The following MUC5AC variants were observed in gnomAD, a reference collection of about 807,000 sequenced individuals.
The protein encoded by MUC5AC is mucin-5AC.
A neutral mutation model predicts 169.7 loss-of-function variants in MUC5AC; 158 were observed. That is an observed-to-expected ratio of 0.93 (90% CI 0.82 to 1.06). The LOEUF (loss-of-function observed/expected upper bound fraction) is 1.06. Among genes scored for constraint, MUC5AC ranks in the 50% least tolerant of loss-of-function variants. MUC5AC has a pLI of 0.00. For missense variants in MUC5AC, 4,359 were observed against 3,089.9 expected (o/e 1.41, Z -9.74); for synonymous variants, 1,975 against 1,237.0 (o/e 1.60, Z -12.52).
In MUC5AC at chr11:1,190,991, A is replaced by G; in HGVS notation, c.12846A>G (p.Thr4282=). Residue 4282 remains threonine, a synonymous_variant, in exon 31 of 49, where the codon ACA becomes ACG. Transcript: ENST00000621226. The part of the protein sequence containing the change: ...STTSAPTTRT[T]SAPTSSMTSG... ...CCTCTGCTCCTACAACCAGAACAAC[A>G]TCTGCTCCTACAAGCAGCATGACCT... is the stretch of plus-strand genomic sequence containing the variant. 1 of 621,902 alleles carries G rather than the reference A, an allele frequency of 1.6e-6. No homozygotes were observed. Among genetic ancestry groups the G allele is most frequent in the Non-Finnish European group, 2.8e-6 (1 of 351,970 alleles). The allele number at this position is 621,902 out of a possible 1,614,324, so 38.5% of individuals were successfully genotyped here.
At position 1,190,817 on chromosome 11, in the gene MUC5AC, T is replaced by G; in HGVS notation, c.12672T>G (p.Thr4224=). 1 of 720,680 alleles carries G rather than the reference T, an allele frequency of 1.4e-6. No individual in the cohort carries two copies. The highest frequency in any genetic ancestry group is 2.5e-6 in the Non-Finnish European group (1 of 398,740). The allele number at this position is 720,680 out of a possible 1,614,324, so 44.6% of individuals were successfully genotyped here. Residue 4224 remains threonine, a synonymous_variant, in exon 31 of 49, where the codon ACT becomes ACG. Transcript: ENST00000621226. ...TSSTTSGSGT[T]PSPVPTTSTT... The stretch of plus-strand genomic sequence containing the variant: ...GCACAACCTCCGGTTCTGGAACTAC[T>G]CCAAGCCCTGTTCCCACCACCAGCA...
rs188152234 is a variant in MUC5AC at position 1,194,255 on chromosome 11, C to T, written c.14901C>T (p.Cys4967=). The part of the protein sequence containing the change: ...HFRVLVDNYF[C]GAEDGLSCPR... ...GCGTGCTCGTCGACAACTACTTCTGCGGTGCGGAGGACGGGCTCTCCTGCC... is the reference window on the plus strand; with the variant it reads ...GCGTGCTCGTCGACAACTACTTCTGTGGTGCGGAGGACGGGCTCTCCTGCC... Residue 4967 remains cysteine (C), a synonymous_variant, in exon 34 of 49, where the codon TGC becomes TGT. Coordinates refer to ENST00000621226, the MANE Select transcript of MUC5AC (RefSeq NM_001304359.2). 9 of 764,556 alleles carry T rather than the reference C, an allele frequency of 1.2e-5. No individual in the cohort carries two copies. The highest frequency in any genetic ancestry group is 9.7e-5 in the East Asian group (4 of 41,228). The allele number at this position is 764,556 out of a possible 1,614,324, so 47.4% of individuals were successfully genotyped here.
Position 1,199,411 on chromosome 11 carries a change from C to A in MUC5AC, c.16436C>A (p.Thr5479Asn), listed in dbSNP as rs373265017. Residue 5479 changes from threonine to asparagine, a missense_variant, in exon 46 of 49, where the codon ACC becomes AAC. Physicochemically the swap from Thr to Asn is moderately conservative, Grantham distance 65 (BLOSUM62 0). Coordinates refer to ENST00000621226, the MANE Select transcript of MUC5AC (RefSeq NM_001304359.2). ...TWSDAGNHCV[T>N]HQCEKHQDGL... ...TCAGACGCAGGGAACCACTGTGTGA[C>A]CCACCAGTGTGAGAAGCACCAGGAT... 18 of 729,900 alleles carry A rather than the reference C, an allele frequency of 2.5e-5. No individual in the cohort carries two copies. The African/African-American group carries it at 3.1e-4, about 13-fold the overall frequency. The allele number at this position is 729,900 out of a possible 1,614,324, so 45.2% of individuals were successfully genotyped here. A position where few individuals can be genotyped will look rare whatever the true frequency, so the allele number is the denominator to read the frequency against.
intron 9 of MUC5AC, 42 bp from the exon 10 acceptor site, chr11:1,165,260 G>T (rs538142915): frequency 6.4e-7 from 1 of 1,565,584 alleles, no homozygotes. Context: ...CCACTGCGTG[G>T]ACACAGCAGG....
rs574368713 is a variant in MUC5AC at position 1,200,532 on chromosome 11, G to A, written c.16795G>A (p.Gly5599Ser). ...LRNVTLHCTD[G>S]SSRAFSYTEV... is the part of the protein sequence containing the mutation. ...GAATGTGACCCTGCACTGCACCGAC[G>A]GCTCCAGCCGGGCCTTCAGCTACAC... Residue 5599 changes from glycine to serine, a missense_variant, in exon 49 of 49, where the codon GGC becomes AGC. Coordinates refer to ENST00000621226, the MANE Select transcript of MUC5AC (RefSeq NM_001304359.2). The A allele has an allele frequency of 1.0e-4, 80 of 762,952 alleles. No individual in the cohort carries two copies. The highest frequency in any genetic ancestry group is 3.9e-4 in the Admixed American group (23 of 58,626). 47.3% of individuals were successfully genotyped at this position (762,952 alleles called of 1,614,324 possible). A position where few individuals can be genotyped will look rare whatever the true frequency, so the allele number is the denominator to read the frequency against.
Position 1,182,255 on chromosome 11 carries a change from G to A in MUC5AC, c.4110G>A (p.Thr1370=), listed in dbSNP as rs1341826591. 1.0e-5 allele frequency: 4 copies of A among 398,490 alleles called. No homozygotes were observed. The highest frequency in any genetic ancestry group is 8.8e-5 in the Admixed American group (2 of 22,724). 24.7% of individuals were successfully genotyped at this position (398,490 alleles called of 1,614,324 possible). ...WPTTAGTSPR[T]RLPTASASLP... ...CCACAGCAGGCACTTCTCCCAGGAC[G>A]AGGCTGCCCACAGCCTCTGCCTCAC... The change falls in exon 31 of 49, where the codon ACG becomes ACA. Residue 1370 remains threonine, a synonymous_variant. Coordinates refer to ENST00000621226, the MANE Select transcript of MUC5AC (RefSeq NM_001304359.2).
rs774898575 is a variant in MUC5AC, at chr11:1,165,373, G to A, written c.1201G>A (p.Ala401Thr). The A allele has an allele frequency of 6.2e-7, 1 of 1,612,430 alleles. No individual in the cohort carries two copies. The highest frequency in any genetic ancestry group is 8.5e-7 in the Non-Finnish European group (1 of 1,179,716). The change falls in exon 10 of 49, where the codon GCT becomes ACT. Residue 401 changes from alanine (A) to threonine (T), a missense_variant. Coordinates refer to ENST00000621226, the MANE Select transcript of MUC5AC (RefSeq NM_001304359.2). Reference sequence around the variant, plus strand: ...AAAGTGTGCCTGCGTCTACAACGGGGCTGCCTATGCCCCAGGGGCCACCTA... The same window carrying A: ...AAAGTGTGCCTGCGTCTACAACGGGACTGCCTATGCCCCAGGGGCCACCTA... ...VSKCACVYNG[A>T]AYAPGATYST...
At position 1,200,555 on chromosome 11, in the gene MUC5AC, C is replaced by T. The variant is rs1477065933; in HGVS notation, c.16818C>T (p.Tyr5606=). The T allele has an allele frequency of 7.8e-6, 6 of 764,438 alleles. No individual in the cohort carries two copies. The highest frequency in any genetic ancestry group is 1.2e-5 in the Non-Finnish European group (5 of 417,576). The allele number at this position is 764,438 out of a possible 1,614,324, so 47.4% of individuals were successfully genotyped here. A position where few individuals can be genotyped will look rare whatever the true frequency, so the allele number is the denominator to read the frequency against. Residue 5606 remains tyrosine (Y), a synonymous_variant, in exon 49 of 49, where the codon TAC becomes TAT. Coordinates refer to ENST00000621226, the MANE Select transcript of MUC5AC (RefSeq NM_001304359.2). ...CTDGSSRAFS[Y]TEVEECGCMG... ...ACGGCTCCAGCCGGGCCTTCAGCTA[C>T]ACCGAGGTGGAAGAGTGCGGCTGCA...
chr11:1,168,556 A>G lies in MUC5AC; in HGVS notation c.1567+4A>G. On this transcript the variant is annotated splice_donor_region_variant and intron_variant, in intron 13 of 48. Coordinates refer to ENST00000621226, the MANE Select transcript of MUC5AC (RefSeq NM_001304359.2). The stretch of plus-strand genomic sequence containing the variant: ...ACCCAGCTGCCCATCTCTGCAGGTG[A>G]GGGCAGTGGCTTCTTCCCCACCCCG... The G allele has an allele frequency of 6.2e-7, 1 of 1,612,526 alleles. No homozygotes were observed. The highest frequency in any genetic ancestry group is 2.2e-5 in the East Asian group (1 of 44,880).
rs865985096 is a variant in MUC5AC at position 1,199,955 on chromosome 11, G to A, written c.16686G>A (p.Gly5562=). ...VRLAYCRGNC[G]DSSSMYSLEG... ...TGGCTTACTGCCGGGGGAACTGTGG[G>A]GACAGCTCTTCCATGTACGTGCCTG... Residue 5562 remains glycine (G), a synonymous_variant, in exon 48 of 49, where the codon GGG becomes GGA. Coordinates refer to ENST00000621226, the MANE Select transcript of MUC5AC (RefSeq NM_001304359.2). 7 of 762,990 alleles carry A rather than the reference G, an allele frequency of 9.2e-6. No homozygotes were observed. In the Middle Eastern group the frequency reaches 6.8e-4, roughly 74 times the overall value. The allele number at this position is 762,990 out of a possible 1,614,324, so 47.3% of individuals were successfully genotyped here. A position where few individuals can be genotyped will look rare whatever the true frequency, so the allele number is the denominator to read the frequency against.
At chr11:1,167,814 C>T in intron 11 of MUC5AC, 63 bp from the exon 12 acceptor site, 1 of 1,389,658 alleles carries the variant, frequency 7.2e-7, no homozygotes, top group Non-Finnish European at 1.0e-6. Context: ...GGTGGACTGG[C>T]AGGGCCAGGT....
chr11:1,195,872 A>G lies in MUC5AC; in HGVS notation c.15459-4A>G, dbSNP rs1861258371. ...ACCCAGCACCCTGCCCATCCCTCCC[A>G]CAGGGTCTTTGAGCCGTGCCACACT... On this transcript the variant is annotated splice_polypyrimidine_tract_variant and splice_region_variant and intron_variant, in intron 36 of 48. Coordinates refer to ENST00000621226, the MANE Select transcript of MUC5AC (RefSeq NM_001304359.2). 3 of 685,698 alleles carry G rather than the reference A, an allele frequency of 4.4e-6. No homozygotes were observed. Among genetic ancestry groups the G allele is most frequent in the African/African-American group, 1.8e-5 (1 of 54,952 alleles). The allele number at this position is 685,698 out of a possible 1,614,324, so 42.5% of individuals were successfully genotyped here. A position where few individuals can be genotyped will look rare whatever the true frequency, so the allele number is the denominator to read the frequency against.
Position 1,191,452 on chromosome 11 carries a change from G to T in MUC5AC, c.13307G>T (p.Gly4436Val). The T allele has an allele frequency of 1.3e-6, 1 of 742,298 alleles. No homozygotes were observed. Among genetic ancestry groups the T allele is most frequent in the South Asian group, 1.4e-5 (1 of 72,772 alleles). The allele number at this position is 742,298 out of a possible 1,614,324, so 46.0% of individuals were successfully genotyped here. ...GCCTCTACAGCCAGCACAACCTCTGGTCCTGGAACTACTCCCAGCCCTGTT... is the reference window on the plus strand; with the variant it reads ...GCCTCTACAGCCAGCACAACCTCTGTTCCTGGAACTACTCCCAGCCCTGTT... Reference protein sequence around the residue: ...TPASTASTTSGPGTTPSPVPT... With the variant: ...TPASTASTTSVPGTTPSPVPT... The change falls in exon 31 of 49, where the codon GGT becomes GTT. Residue 4436 changes from glycine (G) to valine (V), a missense_variant. Transcript: ENST00000621226.
chr11:1,200,341 G>A, intron 48 of MUC5AC, 97 bp from the exon 49 acceptor site: 2 of 608,008 alleles, frequency 3.3e-6, no homozygotes, highest in South Asian at 3.8e-5. Context: ...CAGGAGCAGG[G>A]AACACGATGA....
chr11:1,188,912 C>A lies in MUC5AC; in HGVS notation c.10767C>A (p.Ser3589Arg), dbSNP rs1229090398. Residue 3589 changes from serine (S) to arginine (R), a missense_variant, in exon 31 of 49, where the codon AGC (serine) becomes AGA (arginine). Ser to Arg is a moderately radical substitution (Grantham distance 110). Transcript: ENST00000621226. ...ACCTGGGCCAGGTGGTGCAGTGCAG[C>A]CGCGAAGAGGGCCTGGTGTGCCGGA... ...IEHLGQVVQCSREEGLVCRNQ... is the reference protein window; with the variant it reads ...IEHLGQVVQCRREEGLVCRNQ... 7.9e-6 allele frequency: 6 copies of A among 760,332 alleles called. No individual in the cohort carries two copies. Among genetic ancestry groups the A allele is most frequent in the Non-Finnish European group, 1.4e-5 (6 of 415,840 alleles). The allele number at this position is 760,332 out of a possible 1,614,324, so 47.1% of individuals were successfully genotyped here. A position where few individuals can be genotyped will look rare whatever the true frequency, so the allele number is the denominator to read the frequency against.
chr11:1,161,454 C>G, intron 2 of MUC5AC, 73 bp from the exon 3 acceptor site: 1 of 1,280,396 alleles, frequency 7.8e-7, no homozygotes, highest in Non-Finnish European at 1.0e-6. Flanking sequence ...GACTCTGGAA[C>G]GTCTCCTCTG....
rs758617868 is a variant in MUC5AC, at chr11:1,163,875, G to A, written c.680-7G>A. On this transcript the variant is annotated splice_polypyrimidine_tract_variant and splice_region_variant and intron_variant, in intron 6 of 48. Transcript: ENST00000621226. ...GCAGGCAGAGCCCGCCTCTGTGCTT[G>A]CCGCAGACACCAAGCTGACACCCAT... 1 of 1,598,244 alleles carries A rather than the reference G, an allele frequency of 6.3e-7. No individual in the cohort carries two copies. Among genetic ancestry groups the A allele is most frequent in the South Asian group, 1.1e-5 (1 of 88,560 alleles).
chr11:1,168,094 C>T (rs1007588618), intron 12 of MUC5AC, 107 bp downstream of exon 12: 192 of 952,594 alleles, frequency 2.0e-4, no homozygotes, highest in East Asian at 3.1e-4. Context: ...CAGCGAGAGG[C>T]GGGGACCCTC....
rs1016781319 is a variant in MUC5AC, at chr11:1,180,125, C to T, written c.3588C>T (p.Cys1196=). 2.4e-3 allele frequency: 964 copies of T among 398,790 alleles called. 11 individuals carry two copies. Among genetic ancestry groups the T allele is most frequent in the African/African-American group, 0.018 (882 of 48,696 alleles). The allele number at this position is 398,790 out of a possible 1,614,324, so 24.7% of individuals were successfully genotyped here. A position where few individuals can be genotyped will look rare whatever the true frequency, so the allele number is the denominator to read the frequency against. ...LRTCRNPRGD[C]LRDVRGLEGC... Reference sequence around the variant, plus strand: ...CCTGCCGGAACCCCCGTGGAGACTGCCTGCGGGACGTCCGGGGCCTGGAAG... The same window carrying T: ...CCTGCCGGAACCCCCGTGGAGACTGTCTGCGGGACGTCCGGGGCCTGGAAG... The change falls in exon 27 of 49, where the codon TGC becomes TGT. Residue 1196 remains cysteine (C), a synonymous_variant. Coordinates refer to ENST00000621226, the MANE Select transcript of MUC5AC (RefSeq NM_001304359.2).
Sources: allele counts gnomAD v4.1 joint callset, GRCh38; gene constraint gnomAD v4.1.1; transcripts MANE v1.5; gene names NCBI Gene and HGNC (gene_info 2026-07-23, HGNC 2026-07-21).